Variants in ITGBL1 observed in about 807,000 individuals in gnomAD.
ITGBL1 encodes the protein integrin beta-like protein 1.
Under a neutral mutation model 68.5 loss-of-function variants are expected in ITGBL1, and 51 were observed. The observed-to-expected ratio is 0.74, with a 90% confidence interval of 0.59 to 0.94. ITGBL1 has a LOEUF of 0.94. ITGBL1 is among the 40% of genes least tolerant of loss of function. The pLI, the probability that ITGBL1 is intolerant of heterozygous loss-of-function variation, is 0.00. For missense variants in ITGBL1, 649 were observed against 647.4 expected, an observed-to-expected ratio of 1.00 and a Z score of -0.03; for synonymous variants, 209 against 227.3, an observed-to-expected ratio of 0.92 and a Z score of 0.72.
At chr13:101,473,663 A>T (rs2048494262) in intron 2 of ITGBL1, among the ~76,000 whole-genome samples, 1 of 152,182 alleles carries the variant, frequency 6.6e-6, no homozygotes, top group Admixed American at 6.5e-5. Context: ...ACCTGGTGAG[A>T]CACCAGCCAG....
chr13:101,479,173 A>AT (rs34045538), intron 2 of ITGBL1, among the ~76,000 whole-genome samples: 21,608 of 152,000 alleles, frequency 0.14, 2,050 homozygotes, highest in East Asian at 0.43. Flanking sequence ...CAGTGACCTC[A>AT]TTTTTTATAA....
Position 101,490,309 on chromosome 13 carries a change from T to A in ITGBL1, c.316+36209T>A, listed in dbSNP as rs569773661. 9.8e-4 allele frequency among the ~76,000 whole-genome samples: 150 copies of A among 152,322 alleles called. 1 individual carries two copies. The highest frequency in any genetic ancestry group is 3.6e-3 in the African/African-American group (148 of 41,582). On this transcript the variant is annotated intron_variant, in intron 2 of 10. Coordinates refer to ENST00000376180, the MANE Select transcript of ITGBL1 (RefSeq NM_004791.3). ...AAGAACTGAATCTTCCCGCACTTTG[T>A]TCTTGGGCTTCCCAGTTTCCAGATC...
chr13:101,453,055 C>T, intron 1 of ITGBL1, 124 bp downstream of exon 1: 1 of 720,430 alleles, frequency 1.4e-6, no homozygotes, highest in Non-Finnish European at 2.4e-6. Context: ...AAACTGTTTT[C>T]AACCTGTTCC....
At chr13:101,464,537 A>G (rs561611489) in intron 2 of ITGBL1, among the ~76,000 whole-genome samples, 1 of 151,782 alleles carries the variant, frequency 6.6e-6, no homozygotes, top group Non-Finnish European at 1.5e-5. Context: ...CTCTCTATAT[A>G]TATATATATG....
chr13:101,597,938 G>C (rs1378568330), intron 6 of ITGBL1, among the ~76,000 whole-genome samples: 5 of 152,038 alleles, frequency 3.3e-5, no homozygotes, highest in Middle Eastern at 3.2e-3. Flanking sequence ...TTACTAAACT[G>C]TTTATCTTAT....
chr13:101,638,647 A>G (rs1052948608), intron 7 of ITGBL1, among the ~76,000 whole-genome samples: 2 of 152,112 alleles, frequency 1.3e-5, no homozygotes, highest in Non-Finnish European at 2.9e-5. Context: ...TTCCCTTTAT[A>G]AAACCATCAG....
At chr13:101,484,883 T>G (rs557464586) in intron 2 of ITGBL1, among the ~76,000 whole-genome samples, 3 of 152,156 alleles carry the variant, frequency 2.0e-5, no homozygotes, top group African/African-American at 7.2e-5. Context: ...CTCAATAAAC[T>G]TGAACTATAA....
intron 8 of ITGBL1, among the ~76,000 whole-genome samples, chr13:101,698,635 T>C (rs146808781): frequency 6.6e-6 from 1 of 152,218 alleles, no homozygotes; most frequent in African/African-American, 2.4e-5. Context: ...TTATGCAACC[T>C]ATGCATGCAT....
chr13:101,690,046 T>C (rs2033849006), intron 7 of ITGBL1, among the ~76,000 whole-genome samples: 1 of 152,192 alleles, frequency 6.6e-6, no homozygotes, highest in Admixed American at 6.5e-5. Flanking sequence ...ATGCAAAAGG[T>C]TAATTCATCT....
At chr13:101,539,672 T>C (rs2049652723) in intron 2 of ITGBL1, among the ~76,000 whole-genome samples, 1 of 151,482 alleles carries the variant, frequency 6.6e-6, no homozygotes, top group South Asian at 2.1e-4. Flanking sequence ...CCACCAACAG[T>C]GTAAAAGTGT....
chr13:101,587,476 C>G (rs754246547), intron 6 of ITGBL1, among the ~76,000 whole-genome samples: 1 of 152,136 alleles, frequency 6.6e-6, no homozygotes, highest in Non-Finnish European at 1.5e-5. Flanking sequence ...GGCATCCTGA[C>G]GTGTCCCGAC....
intron 7 of ITGBL1, among the ~76,000 whole-genome samples, chr13:101,690,697 C>A (rs117090406): frequency 2.0e-5 from 3 of 152,266 alleles, no homozygotes; most frequent in Non-Finnish European, 4.4e-5. Flanking sequence ...ACCAACACTA[C>A]TAATAGATAG....
At chr13:101,454,193 G>GTGTCC in intron 2 of ITGBL1, 93 bp downstream of exon 2, 14 of 846,146 alleles carry the variant, frequency 1.7e-5, no homozygotes, top group Non-Finnish European at 2.2e-5. Flanking sequence ...GTGGGGACAC[G>GTGTCC]CCTCCCTTCA....
At chr13:101,581,381 A>C (rs904746754) in intron 5 of ITGBL1, among the ~76,000 whole-genome samples, 1 of 152,210 alleles carries the variant, frequency 6.6e-6, no homozygotes, top group Non-Finnish European at 1.5e-5. Flanking sequence ...ACAGAAAAAT[A>C]AGAAAGTGAC....
At chr13:101,534,705 TA>T (rs1448297916) in intron 2 of ITGBL1, among the ~76,000 whole-genome samples, 1 of 152,090 alleles carries the variant, frequency 6.6e-6, no homozygotes, top group Non-Finnish European at 1.5e-5. Flanking sequence ...TAAATGTTCA[TA>T]AAGGTCAAAA....
At chr13:101,587,830 A>G (rs2050583036) in intron 6 of ITGBL1, among the ~76,000 whole-genome samples, 1 of 152,216 alleles carries the variant, frequency 6.6e-6, no homozygotes, top group Non-Finnish European at 1.5e-5. Flanking sequence ...AAAAATTAAT[A>G]TATTGAATTT....
intron 7 of ITGBL1, among the ~76,000 whole-genome samples, chr13:101,682,214 G>T (rs1182747080): frequency 6.6e-6 from 1 of 152,058 alleles, no homozygotes; most frequent in Non-Finnish European, 1.5e-5. Flanking sequence ...AACTACTAAA[G>T]TTTTAATCTA....
At chr13:101,706,995 T>A in intron 9 of ITGBL1, 93 bp downstream of exon 9, 1 of 1,379,702 alleles carries the variant, frequency 7.2e-7, no homozygotes, top group Non-Finnish European at 1.0e-6. Context: ...AGACTGAACT[T>A]TGCATGAAAG....
At chr13:101,462,246 T>A (rs1465377991) in intron 2 of ITGBL1, among the ~76,000 whole-genome samples, 4 of 152,190 alleles carry the variant, frequency 2.6e-5, no homozygotes, top group Admixed American at 6.5e-5. Context: ...TTTTAAGGTG[T>A]ATTTTAACTA....
Sources: allele counts gnomAD v4.1 joint callset (sites outside exome capture counted in the v4.1 genomes callset), GRCh38; gene constraint gnomAD v4.1.1; transcripts MANE v1.5; gene names NCBI Gene and HGNC (gene_info 2026-07-23, HGNC 2026-07-21).